GALNT17: variants seen among roughly 807,000 people sequenced by gnomAD.
GALNT17 encodes UDP-GalNAc:polypeptide N-acetylgalactosaminyltransferase-like 3.
Under a neutral mutation model 63.7 loss-of-function variants are expected in GALNT17, and 29 were observed. That is an observed-to-expected ratio of 0.46 (90% CI 0.34 to 0.62). GALNT17 has a LOEUF of 0.62. Ranked by LOEUF, GALNT17 falls within the 20% of genes least tolerant of loss-of-function variation. The pLI, the probability that GALNT17 is intolerant of heterozygous loss-of-function variation, is 0.01. For missense variants in GALNT17, 603 were observed against 799.6 expected, an observed-to-expected ratio of 0.75 and a Z score of 2.97; for synonymous variants, 305 against 318.3, an observed-to-expected ratio of 0.96 and a Z score of 0.45.
chr7:71,134,420 G>T (rs1208919329), intron 1 of GALNT17, among the ~76,000 whole-genome samples: 2 of 152,192 alleles, frequency 1.3e-5, no homozygotes, highest in African/African-American at 4.8e-5. Flanking sequence ...GATGGCAAAT[G>T]GTTCTTTTCA....
chr7:71,377,365 A>C (rs1792763752), intron 2 of GALNT17, among the ~76,000 whole-genome samples: 1 of 151,982 alleles, frequency 6.6e-6, no homozygotes, highest in Non-Finnish European at 1.5e-5. Context: ...GAATATTCCA[A>C]AATAAATATT....
rs143229925 is a variant in GALNT17 at position 71,289,236 on chromosome 7, G to A, written c.239-46314G>A. 9.3e-3 allele frequency among the ~76,000 whole-genome samples: 1,052 copies of A among 112,530 alleles called. 12 individuals carry two copies. The highest frequency in any genetic ancestry group is 0.032 in the African/African-American group (971 of 30,216). The allele number at this position is 112,530 out of a possible 152,430, so 73.8% of individuals were successfully genotyped here. On this transcript the variant is annotated intron_variant, in intron 1 of 10. Transcript: ENST00000333538. ...TTTTTTTTTTTTGCAATCCTTTTTT[G>A]TGCCTTGTTATCCCAATCATTATTG... is the stretch of plus-strand genomic sequence containing the variant.
intron 9 of GALNT17, among the ~76,000 whole-genome samples, chr7:71,708,896 C>A (rs546360620): frequency 2.6e-5 from 4 of 152,238 alleles, no homozygotes; most frequent in African/African-American, 9.6e-5. Flanking sequence ...TGATGCTGTT[C>A]TTTTTCATGG....
intron 1 of GALNT17, among the ~76,000 whole-genome samples, chr7:71,241,574 G>C (rs1425289523): frequency 6.6e-6 from 1 of 152,118 alleles, no homozygotes; most frequent in African/African-American, 2.4e-5. Flanking sequence ...TTTCCTCTTA[G>C]TCTGTTTGTG....
chr7:71,337,783 A>T lies in GALNT17; in HGVS notation c.422+2050A>T, dbSNP rs796983127. ...CTCGGGAGGCTGAGGCAGGAAAATCACTTGAACCAGGGAGGCAGAGGTTGC... is the reference window on the plus strand; with the variant it reads ...CTCGGGAGGCTGAGGCAGGAAAATCTCTTGAACCAGGGAGGCAGAGGTTGC... On this transcript the variant is annotated intron_variant, in intron 2 of 10. Transcript: ENST00000333538. Among the ~76,000 whole-genome samples, 74 of 151,644 alleles carry T rather than the reference A, an allele frequency of 4.9e-4. 1 individual carries two copies. The highest frequency in any genetic ancestry group is 1.8e-3 in the African/African-American group (73 of 41,346).
At chr7:71,664,991 G>A (rs1455275354) in intron 6 of GALNT17, among the ~76,000 whole-genome samples, 2 of 151,052 alleles carry the variant, frequency 1.3e-5, no homozygotes, top group Non-Finnish European at 2.9e-5. Flanking sequence ...TTATTTATTT[G>A]TTTAGAAACA....
At chr7:71,478,989 G>A (rs1335930733) in intron 5 of GALNT17, among the ~76,000 whole-genome samples, 2 of 152,162 alleles carry the variant, frequency 1.3e-5, no homozygotes, top group Non-Finnish European at 2.9e-5. Flanking sequence ...TACAGCAGGA[G>A]AAATGTTACT....
intron 9 of GALNT17, among the ~76,000 whole-genome samples, chr7:71,691,217 T>C (rs1331035190): frequency 2.0e-5 from 3 of 152,176 alleles, no homozygotes; most frequent in Non-Finnish European, 4.4e-5. Flanking sequence ...TCAGCAGCCA[T>C]AACATCAAGC....
At chr7:71,243,178 T>C (rs755660964) in intron 1 of GALNT17, among the ~76,000 whole-genome samples, 8 of 152,342 alleles carry the variant, frequency 5.3e-5, no homozygotes, top group Non-Finnish European at 1.2e-4. Flanking sequence ...TTCTCTGATC[T>C]TTCTTGTCCT....
At chr7:71,198,714 G>A (rs1264753521) in intron 1 of GALNT17, among the ~76,000 whole-genome samples, 1 of 152,198 alleles carries the variant, frequency 6.6e-6, no homozygotes, top group African/African-American at 2.4e-5. Context: ...AGGTGGTGTG[G>A]CCGAACATTC....
chr7:71,525,739 T>TC, intron 5 of GALNT17, among the ~76,000 whole-genome samples: 1 of 139,118 alleles, frequency 7.2e-6, no homozygotes, highest in Admixed American at 7.2e-5. Context: ...GTCTTTTCTT[T>TC]TTTTTTTTTT....
intron 5 of GALNT17, among the ~76,000 whole-genome samples, chr7:71,565,796 A>G (rs1584054700): frequency 6.6e-6 from 1 of 151,322 alleles, no homozygotes; most frequent in East Asian, 2.0e-4. Context: ...CCCAGTCCAT[A>G]GTTCTGGACC....
intron 1 of GALNT17, among the ~76,000 whole-genome samples, chr7:71,214,215 A>G (rs530399408): frequency 2.0e-5 from 3 of 152,326 alleles, no homozygotes; most frequent in South Asian, 2.1e-4. Context: ...TGCACTATGA[A>G]TAGTTCCTTC....
chr7:71,376,425 G>GTTTTTTTTTTTTTTTTT (rs57171551), intron 2 of GALNT17, among the ~76,000 whole-genome samples: 1 of 63,362 alleles, frequency 1.6e-5, no homozygotes, highest in Non-Finnish European at 2.7e-5. Context: ...GTTTGGAGTT[G>GTTTTTTTTTTTTTTTTT]TTTTTTTTTT....
intron 5 of GALNT17, among the ~76,000 whole-genome samples, chr7:71,517,718 TC>T (rs1449143510): frequency 5.9e-5 from 9 of 152,220 alleles, no homozygotes; most frequent in African/African-American, 1.7e-4. Context: ...CAGGGGCTGT[TC>T]TAGGTTTAGA....
At position 71,426,165 on chromosome 7, in the gene GALNT17, C is replaced by CG. The variant is rs1271217039; in HGVS notation, c.962+5065dup. On this transcript the variant is annotated intron_variant, in intron 5 of 10. Transcript: ENST00000333538. ...ATTACAATTCAACATGAGATTTGGG[C>CG]GGGGGTGCAGAGCCAAACCACGTCA... 2.0e-5 allele frequency among the ~76,000 whole-genome samples: 3 copies of CG among 152,220 alleles called. No homozygotes were observed. The East Asian group carries it at 5.8e-4, about 29-fold the overall frequency.
At chr7:71,672,027 C>CAA (rs55777129) in intron 8 of GALNT17, among the ~76,000 whole-genome samples, 2,565 of 104,764 alleles carry the variant, frequency 0.024, 40 homozygotes, top group African/African-American at 0.054. Context: ...GACTCTGTCT[C>CAA]AAAAAAAAAA....
intron 6 of GALNT17, among the ~76,000 whole-genome samples, chr7:71,630,393 A>G (rs1790438263): frequency 6.6e-6 from 1 of 152,136 alleles, no homozygotes; most frequent in Non-Finnish European, 1.5e-5. Context: ...TTGCCCTAAC[A>G]CACCCATAAG....
chr7:71,392,297 A>T (rs942817989), intron 3 of GALNT17, among the ~76,000 whole-genome samples: 3 of 152,092 alleles, frequency 2.0e-5, no homozygotes, highest in Non-Finnish European at 4.4e-5. Flanking sequence ...AGCATCCCCA[A>T]AAGATTGGTA....
Sources: allele counts gnomAD v4.1 joint callset (sites outside exome capture counted in the v4.1 genomes callset), GRCh38; gene constraint gnomAD v4.1.1; transcripts MANE v1.5; gene names NCBI Gene and HGNC (gene_info 2026-07-23, HGNC 2026-07-21).